Variants in HIVEP1 observed in about 807,000 individuals in gnomAD.
HIVEP1 encodes the protein HIVEP zinc finger 1.
A neutral mutation model predicts 180.0 loss-of-function variants in HIVEP1; 36 were observed. The ratio of observed to expected loss-of-function variants is 0.20; its 90% CI spans 0.15 to 0.26. HIVEP1 has a LOEUF of 0.26. HIVEP1 is among the 10% of genes least tolerant of loss of function. The pLI is 1.00. For synonymous variants in HIVEP1, 1,239 were observed against 1,239.0 expected, an observed-to-expected ratio of 1.00 and a Z score of 0.00; for missense variants, 3,143 against 3,268.7, an observed-to-expected ratio of 0.96 and a Z score of 0.94.
chr6:12,159,214 G>A (rs1448635300), intron 7 of HIVEP1, among the ~76,000 whole-genome samples: 6 of 152,026 alleles, frequency 3.9e-5, no homozygotes, highest in South Asian at 2.1e-4. Flanking sequence ...GTGTGCGCGC[G>A]CGCGTGCACG....
chr6:12,027,479 T>C (rs1768660730), intron 2 of HIVEP1, among the ~76,000 whole-genome samples: 1 of 152,214 alleles, frequency 6.6e-6, no homozygotes, highest in African/African-American at 2.4e-5. Context: ...AAGGATTAGA[T>C]TGTTAGGGAG....
At chr6:12,045,585 G>T (rs1770069469) in intron 2 of HIVEP1, among the ~76,000 whole-genome samples, 1 of 152,182 alleles carries the variant, frequency 6.6e-6, no homozygotes, top group Non-Finnish European at 1.5e-5. Context: ...AATTTCTTCA[G>T]TAAATGCATG....
intron 2 of HIVEP1, among the ~76,000 whole-genome samples, chr6:12,058,495 T>C (rs750157789): frequency 2.0e-5 from 3 of 152,212 alleles, no homozygotes; most frequent in South Asian, 2.1e-4. Context: ...ATTCAAAATA[T>C]GTTTGTTGTT....
the HIVEP1 span, among the ~76,000 whole-genome samples, chr6:12,180,386 C>G: frequency 1.3e-5 from 2 of 152,210 alleles, no homozygotes. Flanking sequence ...CTTCAATCTT[C>G]ATCTACTGAG....
chr6:12,101,582 A>T (rs1316607653), intron 3 of HIVEP1, among the ~76,000 whole-genome samples: 1 of 152,038 alleles, frequency 6.6e-6, no homozygotes, highest in Non-Finnish European at 1.5e-5. Flanking sequence ...CTACAAAGGA[A>T]ATAATCAAAA....
chr6:12,115,212 A>G (rs1452978727), intron 3 of HIVEP1, among the ~76,000 whole-genome samples: 1 of 152,198 alleles, frequency 6.6e-6, no homozygotes, highest in Admixed American at 6.5e-5. Flanking sequence ...AACAGCTGAC[A>G]GTGATATTTC....
the HIVEP1 span, among the ~76,000 whole-genome samples, chr6:12,192,549 C>T: frequency 6.6e-6 from 1 of 152,138 alleles, no homozygotes; most frequent in African/African-American, 2.4e-5. Context: ...AGATTTCCCC[C>T]TTGCTGTTGT....
the HIVEP1 span, among the ~76,000 whole-genome samples, chr6:12,204,301 T>A: frequency 7.0e-6 from 1 of 143,304 alleles, no homozygotes; most frequent in Admixed American, 7.0e-5. Flanking sequence ...CAGTTTTTCA[T>A]CTTTGTGTTG....
intron 2 of HIVEP1, among the ~76,000 whole-genome samples, chr6:12,074,784 G>T (rs934907553): frequency 6.6e-6 from 1 of 151,864 alleles, no homozygotes; most frequent in Non-Finnish European, 1.5e-5. Flanking sequence ...TGATGGATCA[G>T]TATTGGAGTA....
At chr6:12,192,899 T>G in the HIVEP1 span, among the ~76,000 whole-genome samples, 6 of 152,154 alleles carry the variant, frequency 3.9e-5, no homozygotes, top group Middle Eastern at 0.02. Flanking sequence ...ATTTAAAAAA[T>G]GTTAGTCCCA....
chr6:12,025,105 C>T (rs1768492208), intron 2 of HIVEP1, among the ~76,000 whole-genome samples: 1 of 152,128 alleles, frequency 6.6e-6, no homozygotes, highest in Non-Finnish European at 1.5e-5. Context: ...AAATGAGGCA[C>T]AGAAAGATTG....
intron 7 of HIVEP1, among the ~76,000 whole-genome samples, chr6:12,152,510 C>A (rs1185737255): frequency 2.0e-5 from 3 of 152,138 alleles, no homozygotes; most frequent in African/African-American, 7.2e-5. Flanking sequence ...GTTTTGGTGC[C>A]ATGGATGTTT....
At chr6:12,086,135 C>T (rs576695777) in intron 2 of HIVEP1, among the ~76,000 whole-genome samples, 1 of 152,138 alleles carries the variant, frequency 6.6e-6, no homozygotes, top group Admixed American at 6.5e-5. Flanking sequence ...TTAGTCTATA[C>T]TATTAGTTAC....
chr6:12,020,256 G>T lies in HIVEP1; in HGVS notation c.40+4588G>T, dbSNP rs989061556. 3 of 463,006 alleles carry T rather than the reference G, an allele frequency of 6.5e-6. No individual in the cohort carries two copies. In the East Asian group the frequency reaches 2.1e-4, roughly 32 times the overall value. 28.7% of individuals were successfully genotyped at this position (463,006 alleles called of 1,614,324 possible). ...CTGTTTCCCATCTGCAGGAAACGTG[G>T]TGGGTGCCGTTTTGACACCGACCTA... is the stretch of plus-strand genomic sequence containing the variant. On this transcript the variant is annotated intron_variant, in intron 2 of 8. Coordinates refer to ENST00000379388, the MANE Select transcript of HIVEP1 (RefSeq NM_002114.4).
intron 2 of HIVEP1, among the ~76,000 whole-genome samples, chr6:12,030,245 T>C (rs1331002600): frequency 6.6e-6 from 1 of 152,294 alleles, no homozygotes; most frequent in Non-Finnish European, 1.5e-5. Context: ...CCAATTTGAA[T>C]GTGATGTGCT....
At chr6:12,108,604 A>C (rs1157014456) in intron 3 of HIVEP1, among the ~76,000 whole-genome samples, 1 of 152,234 alleles carries the variant, frequency 6.6e-6, no homozygotes, top group Non-Finnish European at 1.5e-5. Flanking sequence ...TGGGGGACCC[A>C]GTACACCCTC....
the HIVEP1 span, among the ~76,000 whole-genome samples, chr6:12,180,309 A>G: frequency 6.6e-6 from 1 of 152,340 alleles, no homozygotes; most frequent in African/African-American, 2.4e-5. Flanking sequence ...TAAGCTGAAT[A>G]AGAGCATTTT....
At chr6:12,027,998 G>A (rs1254387129) in intron 2 of HIVEP1, among the ~76,000 whole-genome samples, 5 of 152,208 alleles carry the variant, frequency 3.3e-5, no homozygotes, top group African/African-American at 1.2e-4. Flanking sequence ...GATAGGCTCA[G>A]TTGAGCTCAT....
chr6:12,054,069 C>T (rs891563856), intron 2 of HIVEP1, among the ~76,000 whole-genome samples: 6 of 152,190 alleles, frequency 3.9e-5, no homozygotes, highest in East Asian at 1.9e-4. Context: ...CTTTCAGGCT[C>T]GCATTGCCCA....
Sources: allele counts gnomAD v4.1 joint callset (sites outside exome capture counted in the v4.1 genomes callset), GRCh38; gene constraint gnomAD v4.1.1; transcripts MANE v1.5; gene names NCBI Gene and HGNC (gene_info 2026-07-23, HGNC 2026-07-21).